EPHA6: variants seen among roughly 807,000 people sequenced by gnomAD.
EPHA6 encodes ephrin type-A receptor 6.
EPHA6 carries 50 observed loss-of-function variants against 112.0 expected under a neutral mutation model. The ratio of observed to expected loss-of-function variants is 0.45; its 90% CI spans 0.36 to 0.56. The LOEUF (loss-of-function observed/expected upper bound fraction) is 0.56. EPHA6 is among the 20% of genes least tolerant of loss of function. EPHA6 has a pLI of 0.00. For missense variants in EPHA6, 1,280 were observed against 1,417.4 expected (o/e 0.90, Z 1.56); for synonymous variants, 529 against 490.7 (o/e 1.08, Z -1.03).
At chr3:97,382,111 G>A (rs913188679) in intron 5 of EPHA6, among the ~76,000 whole-genome samples, 25 of 151,998 alleles carry the variant, frequency 1.6e-4, no homozygotes, top group Non-Finnish European at 2.5e-4. Context: ...ACTATTGTAT[G>A]CATGATGAGC....
At chr3:97,172,603 G>T (rs575133134) in intron 3 of EPHA6, among the ~76,000 whole-genome samples, 28 of 151,834 alleles carry the variant, frequency 1.8e-4, no homozygotes, top group African/African-American at 4.3e-4. Context: ...TAGTTTTTTT[G>T]GGGGGGACTG....
In EPHA6 at chr3:97,748,695, T is replaced by G; in HGVS notation, c.3387T>G (p.His1129Gln). 1 of 1,552,810 alleles carries G rather than the reference T, an allele frequency of 6.4e-7. No individual in the cohort carries two copies. The highest frequency in any genetic ancestry group is 8.9e-7 in the Non-Finnish European group (1 of 1,124,738). ...HMMHIQEKGFHV is the reference protein window; with the variant it reads ...HMMHIQEKGFQV ...TGCACATACAGGAGAAGGGATTTCA[T>G]GTATGAAAGTACCACAAGCACCTGT... is the stretch of plus-strand genomic sequence containing the variant. The change falls in exon 18 of 18, where the codon CAT becomes CAG. Residue 1129 changes from histidine (H) to glutamine (Q), a missense_variant. Physicochemically the swap from His to Gln is conservative, Grantham distance 24 (BLOSUM62 0). Coordinates refer to ENST00000389672, the MANE Select transcript of EPHA6 (RefSeq NM_001080448.3).
At chr3:96,946,356 G>GATA (rs942076092) in intron 2 of EPHA6, among the ~76,000 whole-genome samples, 1 of 150,958 alleles carries the variant, frequency 6.6e-6, no homozygotes, top group African/African-American at 2.4e-5. Context: ...CCCGGTGTGT[G>GATA]ATGTTACTCT....
chr3:97,275,984 A>T (rs2080064438), intron 5 of EPHA6, among the ~76,000 whole-genome samples: 1 of 152,156 alleles, frequency 6.6e-6, no homozygotes, highest in Non-Finnish European at 1.5e-5. Context: ...GGGGATAACT[A>T]AAAAAGAGTG....
intron 3 of EPHA6, among the ~76,000 whole-genome samples, chr3:97,088,975 C>T (rs1245410964): frequency 6.6e-6 from 1 of 152,090 alleles, no homozygotes; most frequent in South Asian, 2.1e-4. Context: ...TATGTTTTAT[C>T]ACCATTAAGG....
chr3:97,450,418 T>C (rs1352371625), intron 7 of EPHA6, among the ~76,000 whole-genome samples: 1 of 152,222 alleles, frequency 6.6e-6, no homozygotes, highest in African/African-American at 2.4e-5. Context: ...AAAATTCACC[T>C]GACTTTTAAA....
chr3:97,088,794 C>G (rs1459165656), intron 3 of EPHA6, among the ~76,000 whole-genome samples: 1 of 152,106 alleles, frequency 6.6e-6, no homozygotes, highest in African/African-American at 2.4e-5. Flanking sequence ...TTGATTCCCT[C>G]AAATGCTAAT....
intron 2 of EPHA6, among the ~76,000 whole-genome samples, chr3:96,898,013 A>AAAT (rs1464948493): frequency 2.6e-5 from 4 of 152,212 alleles, no homozygotes; most frequent in Non-Finnish European, 5.9e-5. Flanking sequence ...TAAATATTTT[A>AAAT]AAACCTAAAA....
At chr3:97,270,024 T>A (rs531454554) in intron 5 of EPHA6, among the ~76,000 whole-genome samples, 1 of 152,330 alleles carries the variant, frequency 6.6e-6, no homozygotes, top group African/African-American at 2.4e-5. Context: ...AGTTTGTAGA[T>A]CTTTAAAATC....
At chr3:97,596,343 A>T (rs1401066120) in intron 12 of EPHA6, among the ~76,000 whole-genome samples, 2 of 152,218 alleles carry the variant, frequency 1.3e-5, no homozygotes, top group Non-Finnish European at 2.9e-5. Context: ...GAGTATACAT[A>T]GTCTTAGACT....
chr3:96,903,421 A>G (rs77556165), intron 2 of EPHA6, among the ~76,000 whole-genome samples: 2 of 152,140 alleles, frequency 1.3e-5, no homozygotes, highest in Non-Finnish European at 2.9e-5. Flanking sequence ...CACCCTTAAA[A>G]TGTGTAATTT....
intron 1 of EPHA6, among the ~76,000 whole-genome samples, chr3:96,821,514 G>A (rs536496331): frequency 6.2e-4 from 94 of 151,832 alleles, no homozygotes; most frequent in South Asian, 1.0e-3. Flanking sequence ...TATTTAAGCA[G>A]ATATTTATTG....
At chr3:97,235,274 C>T (rs1022162643) in intron 4 of EPHA6, among the ~76,000 whole-genome samples, 3 of 152,024 alleles carry the variant, frequency 2.0e-5, no homozygotes, top group Admixed American at 6.6e-5. Flanking sequence ...ACACTAAGAA[C>T]CTGATGAATG....
At chr3:97,672,699 G>A (rs111685821) in intron 14 of EPHA6, among the ~76,000 whole-genome samples, 1 of 152,172 alleles carries the variant, frequency 6.6e-6, no homozygotes, top group African/African-American at 2.4e-5. Context: ...AAGGGAAGGA[G>A]AGGAAATAAT....
At chr3:97,737,303 G>C (rs2035302410) in intron 16 of EPHA6, among the ~76,000 whole-genome samples, 1 of 152,032 alleles carries the variant, frequency 6.6e-6, no homozygotes, top group Non-Finnish European at 1.5e-5. Flanking sequence ...TTTACACTGT[G>C]AGTGCAAAAC....
At chr3:97,622,789 T>TA (rs2093824338) in intron 13 of EPHA6, among the ~76,000 whole-genome samples, 1 of 151,834 alleles carries the variant, frequency 6.6e-6, no homozygotes, top group Non-Finnish European at 1.5e-5. Context: ...TGTTTGTTGT[T>TA]ATAATGGCTA....
At chr3:97,002,319 T>C (rs1042042100) in intron 3 of EPHA6, among the ~76,000 whole-genome samples, 7 of 151,066 alleles carry the variant, frequency 4.6e-5, no homozygotes, top group Non-Finnish European at 1.0e-4. Context: ...AGATGAAGTA[T>C]TAATATTATA....
intron 3 of EPHA6, among the ~76,000 whole-genome samples, chr3:97,014,067 T>G (rs1284570610): frequency 4.6e-5 from 7 of 152,170 alleles, no homozygotes; most frequent in Non-Finnish European, 1.0e-4. Context: ...ATTTGAACTT[T>G]CTTATACTGT....
At chr3:97,678,994 T>C (rs2031637962) in intron 14 of EPHA6, among the ~76,000 whole-genome samples, 1 of 152,210 alleles carries the variant, frequency 6.6e-6, no homozygotes, top group Non-Finnish European at 1.5e-5. Context: ...GTGATAACTA[T>C]ATGCTTAGTG....
Sources: allele counts gnomAD v4.1 joint callset (sites outside exome capture counted in the v4.1 genomes callset), GRCh38; gene constraint gnomAD v4.1.1; transcripts MANE v1.5; gene names NCBI Gene and HGNC (gene_info 2026-07-23, HGNC 2026-07-21).